ACSS1: variants seen among roughly 807,000 people sequenced by gnomAD.
The protein encoded by ACSS1 is acetyl-coenzyme A synthetase 2-like, mitochondrial.
A neutral mutation model predicts 75.3 loss-of-function variants in ACSS1; 42 were observed. That is an observed-to-expected ratio of 0.56 (90% CI 0.44 to 0.72). The LOEUF is 0.72. Ranked by LOEUF, ACSS1 falls within the 30% of genes least tolerant of loss-of-function variation. The pLI, the probability that ACSS1 is intolerant of heterozygous loss-of-function variation, is 0.00. For missense variants in ACSS1, 782 were observed against 935.7 expected (o/e 0.84, Z 2.14); for synonymous variants, 380 against 376.8 (o/e 1.01, Z -0.10).
chr20:25,048,070 T>C lies in ACSS1; in HGVS notation c.431+15A>G, dbSNP rs755939049. 1 of 1,612,034 alleles carries C rather than the reference T, an allele frequency of 6.2e-7. No individual in the cohort carries two copies. The highest frequency in any genetic ancestry group is 8.5e-7 in the Non-Finnish European group (1 of 1,178,982). On this transcript the variant is annotated intron_variant, in intron 2 of 13. Transcript: ENST00000323482. Reference sequence around the variant, plus strand: ...GGCGCCTCCCTCGCACCTTGAACATTCGAGGGCACAGTACCTGTAGGTGAT... The same window carrying C: ...GGCGCCTCCCTCGCACCTTGAACATCCGAGGGCACAGTACCTGTAGGTGAT...
chr20:25,050,801 A>G (rs1032199023), intron 1 of ACSS1, among the ~76,000 whole-genome samples: 12 of 152,054 alleles, frequency 7.9e-5, no homozygotes, highest in Admixed American at 2.0e-4. Flanking sequence ...GACATCCTGC[A>G]CCATTTTATA....
chr20:25,040,984 C>T (rs984053907), intron 2 of ACSS1, among the ~76,000 whole-genome samples: 4 of 152,188 alleles, frequency 2.6e-5, no homozygotes, highest in African/African-American at 9.6e-5. Context: ...TTTGTCCGGG[C>T]GCAGTGGCTC....
intron 6 of ACSS1, 103 bp from the exon 7 acceptor site, chr20:25,020,250 C>T (rs111940682): frequency 2.7e-5 from 40 of 1,476,572 alleles, no homozygotes; most frequent in Middle Eastern, 1.8e-4. Context: ...TGTGCAGACG[C>T]GCATATGTCC....
chr20:25,036,268 C>G (rs549566069), intron 2 of ACSS1, among the ~76,000 whole-genome samples: 143 of 152,250 alleles, frequency 9.4e-4, no homozygotes, highest in African/African-American at 3.3e-3. Context: ...GTGCTTAACA[C>G]TAGGAAAACG....
At chr20:25,017,953 C>T (rs2088548928) in intron 7 of ACSS1, among the ~76,000 whole-genome samples, 1 of 152,242 alleles carries the variant, frequency 6.6e-6, no homozygotes, top group South Asian at 2.1e-4. Context: ...GCCCTGGCCA[C>T]CCCGCTGTTT....
At position 25,023,612 on chromosome 20, in the gene ACSS1, G is replaced by C. The variant is rs553185749; in HGVS notation, c.661C>G (p.Gln221Glu). The C allele has an allele frequency of 5.1e-5, 82 of 1,610,790 alleles. No homozygotes were observed. The highest frequency in any genetic ancestry group is 6.9e-5 in the Non-Finnish European group (81 of 1,178,314). ...AKCKVVITFN[Q>E]GLRGGRVVEL... ...ACCACGCGCCCACCCCGGAGTCCTTGGTTGAAGGTGATAACCACCTTGCAC... is the reference window on the plus strand; with the variant it reads ...ACCACGCGCCCACCCCGGAGTCCTTCGTTGAAGGTGATAACCACCTTGCAC... Residue 221 changes from glutamine to glutamate, a missense_variant, in exon 4 of 14, where the codon CAA becomes GAA. Transcript: ENST00000323482.
intron 9 of ACSS1, 135 bp downstream of exon 9, chr20:25,013,826 G>C: frequency 7.6e-7 from 1 of 1,312,802 alleles, no homozygotes; most frequent in East Asian, 2.5e-5. Context: ...CATGATACCA[G>C]CTGCAGTGAA....
chr20:25,009,144 C>T (rs958876471), intron 13 of ACSS1, 126 bp downstream of exon 13: 3 of 882,468 alleles, frequency 3.4e-6, no homozygotes, highest in Middle Eastern at 2.6e-4. Context: ...GCCAGGAAAA[C>T]CAAACAGCTA....
chr20:25,009,799 T>C (rs1458535404), intron 12 of ACSS1: 1 of 175,610 alleles, frequency 5.7e-6, no homozygotes, highest in East Asian at 1.7e-4. Context: ...CCTTTGGGGG[T>C]GTGTGTGCAA....
In ACSS1 at chr20:25,030,872, G is replaced by A. The variant is rs1568839870; in HGVS notation, c.518C>T (p.Pro173Leu). 3.1e-6 allele frequency: 5 copies of A among 1,614,228 alleles called. No homozygotes were observed. The highest frequency in any genetic ancestry group is 4.2e-6 in the Non-Finnish European group (5 of 1,180,038). The change falls in exon 3 of 14, where the codon CCC becomes CTC. Residue 173 changes from proline to leucine, a missense_variant. By Grantham distance (98) the Pro-to-Leu change is moderately conservative. This residue lies in a region of ACSS1 where 377 missense variants were observed against 383.1 expected (regional missense o/e 0.98). Coordinates refer to ENST00000323482, the MANE Select transcript of ACSS1 (RefSeq NM_032501.4). ...TGCTGCCACAGCCAATGGGGACACG[G>A]GCATGTAGATGGCAACACGGTCCCC... Reference protein sequence around the residue: ...HRGDRVAIYMPVSPLAVAAML... With the variant: ...HRGDRVAIYMLVSPLAVAAML...
Position 25,050,280 on chromosome 20 carries a change from A to T in ACSS1, c.335-2099T>A, listed in dbSNP as rs76822550. Among the ~76,000 whole-genome samples, 1,206 of 152,162 alleles carry T rather than the reference A, an allele frequency of 7.9e-3. 21 individuals carry two copies. Among genetic ancestry groups the T allele is most frequent in the African/African-American group, 0.028 (1,161 of 41,498 alleles). On this transcript the variant is annotated intron_variant, in intron 1 of 13. Coordinates refer to ENST00000323482, the MANE Select transcript of ACSS1 (RefSeq NM_032501.4). Reference sequence around the variant, plus strand: ...GAACAATCAGCAGGAGACCATCCCTACACAGAGAGTCCTACACCCCGCTGC... The same window carrying T: ...GAACAATCAGCAGGAGACCATCCCTTCACAGAGAGTCCTACACCCCGCTGC...
chr20:25,046,970 T>G, intron 2 of ACSS1: 1 of 777,382 alleles, frequency 1.3e-6, no homozygotes, highest in East Asian at 2.4e-5. Context: ...GGAGCTGTGA[T>G]GGGCCTGAGG....
At position 25,048,080 on chromosome 20, in the gene ACSS1, A is replaced by C. The variant is rs967362664; in HGVS notation, c.431+5T>G. 6.2e-7 allele frequency: 1 copy of C among 1,613,310 alleles called. No homozygotes were observed. The highest frequency in any genetic ancestry group is 8.5e-7 in the Non-Finnish European group (1 of 1,179,776). On this transcript the variant is annotated splice_donor_5th_base_variant and intron_variant, in intron 2 of 13. Transcript: ENST00000323482. ...TCGCACCTTGAACATTCGAGGGCAC[A>C]GTACCTGTAGGTGATCCTCACTTCC...
In ACSS1 at chr20:25,014,049, G is replaced by T; in HGVS notation, c.1364C>A (p.Pro455Gln). The T allele has an allele frequency of 1.2e-6, 2 of 1,611,884 alleles. No individual in the cohort carries two copies. The highest frequency in any genetic ancestry group is 1.7e-6 in the Non-Finnish European group (2 of 1,179,230). ...QTETGGICIAPRPSEEGAEIL... is the reference protein window; with the variant it reads ...QTETGGICIAQRPSEEGAEIL... ...TTCCGCCCCTTCTTCCGAGGGCCGT[G>T]GTGCGATGCAGATGCCACCTGTTTC... The change falls in exon 9 of 14, where the codon CCA becomes CAA. Residue 455 changes from proline to glutamine, a missense_variant. Pro to Gln is a moderately conservative substitution (Grantham distance 76, BLOSUM62 -1). This residue lies in a region of ACSS1 where 405 missense variants were observed against 552.6 expected (regional missense o/e 0.73). Coordinates refer to ENST00000323482, the MANE Select transcript of ACSS1 (RefSeq NM_032501.4).
intron 2 of ACSS1, among the ~76,000 whole-genome samples, chr20:25,037,005 AAAGGAAGGAAGG>A (rs146710264): frequency 7.6e-6 from 1 of 131,850 alleles, no homozygotes; most frequent in African/African-American, 3.0e-5. Flanking sequence ...AAGAAGAAAG[AAAGGAAGGAAGG>A]AAGGAAGGAA....
At chr20:25,019,235 G>A (rs754899467) in intron 7 of ACSS1, among the ~76,000 whole-genome samples, 4 of 152,252 alleles carry the variant, frequency 2.6e-5, no homozygotes, top group Non-Finnish European at 5.9e-5. Context: ...GCAGGGACAG[G>A]AGAGAGAACA....
intron 3 of ACSS1, among the ~76,000 whole-genome samples, chr20:25,028,823 G>A (rs2088773706): frequency 6.6e-6 from 1 of 152,108 alleles, no homozygotes; most frequent in Admixed American, 6.5e-5. Flanking sequence ...GGGAGGCTGA[G>A]GTAGGAGAAT....
At chr20:25,015,271 A>G (rs1315042017) in intron 7 of ACSS1, 41 bp from the exon 8 acceptor site, 2 of 1,516,644 alleles carry the variant, frequency 1.3e-6, no homozygotes, top group Non-Finnish European at 1.8e-6. Context: ...ACAGGCTGCA[A>G]ATAAACCTGA....
intron 2 of ACSS1, chr20:25,032,335 G>C (rs760205587): frequency 7.6e-7 from 1 of 1,311,572 alleles, no homozygotes; most frequent in Non-Finnish European, 9.7e-7. Flanking sequence ...TCAACTCCGG[G>C]AAAACTGGGA....
Sources: gnomAD v4.1 joint callset for allele counts (sites outside exome capture counted in the v4.1 genomes callset) on GRCh38, gnomAD v4.1.1 for gene constraint, gnomAD v4.1.1 regional missense constraint, MANE v1.5 for transcripts, NCBI Gene and HGNC (gene_info 2026-07-23, HGNC 2026-07-21) for gene names.